The following PTK2B variants were observed in gnomAD, a reference collection of about 807,000 sequenced individuals.
The protein encoded by PTK2B is protein-tyrosine kinase 2-beta.
PTK2B carries 71 observed loss-of-function variants against 142.9 expected under a neutral mutation model. The observed-to-expected ratio is 0.50, with a 90% confidence interval of 0.41 to 0.61. PTK2B has a LOEUF of 0.61. PTK2B is among the 20% of genes least tolerant of loss of function. The pLI is 0.00. For synonymous variants in PTK2B, 519 were observed against 503.4 expected (o/e 1.03, Z -0.42); for missense variants, 1,105 against 1,320.4 (o/e 0.84, Z 2.53).
intron 2 of PTK2B, among the ~76,000 whole-genome samples, chr8:27,407,294 C>T (rs943646960): frequency 1.3e-5 from 2 of 152,170 alleles, no homozygotes; most frequent in Non-Finnish European, 2.9e-5. Context: ...GAACATAAAA[C>T]CCTTCATGAT....
At chr8:27,389,894 C>T (rs1807604897) in intron 1 of PTK2B, among the ~76,000 whole-genome samples, 1 of 152,122 alleles carries the variant, frequency 6.6e-6, no homozygotes, top group South Asian at 2.1e-4. Flanking sequence ...CAGCCTTGCC[C>T]AGAAACCTAG....
At chr8:27,373,038 C>T (rs1806455476) in intron 1 of PTK2B, among the ~76,000 whole-genome samples, 1 of 152,236 alleles carries the variant, frequency 6.6e-6, no homozygotes, top group Admixed American at 6.5e-5. Context: ...GAACCCAAGC[C>T]ACAGCTGCCC....
At position 27,325,610 on chromosome 8, in the gene PTK2B, C is replaced by G. The variant is rs1351550677; in HGVS notation, c.-109C>G. ...CACACCTACCTGCCCGGCCGACTTA[C>G]CTGTACTTGCCGCCGTCCCGGCTCA... is the stretch of plus-strand genomic sequence containing the variant. On this transcript the variant is annotated 5_prime_UTR_variant, in exon 1 of 31. Transcript: ENST00000346049. The G allele has an allele frequency of 6.6e-6, 1 of 152,490 alleles. No homozygotes were observed. The highest frequency in any genetic ancestry group is 2.4e-5 in the African/African-American group (1 of 41,480). 9.4% of individuals were successfully genotyped at this position (152,490 alleles called of 1,614,324 possible).
At position 27,454,028 on chromosome 8, in the gene PTK2B, T is replaced by C. The variant is rs550233128; in HGVS notation, c.2596-126T>C. 30 of 1,343,308 alleles carry C rather than the reference T, an allele frequency of 2.2e-5. No individual in the cohort carries two copies. In the Admixed American group the frequency reaches 3.3e-4, roughly 15 times the overall value. 83.2% of individuals were successfully genotyped at this position (1,343,308 alleles called of 1,614,324 possible). A position where few individuals can be genotyped will look rare whatever the true frequency, so the allele number is the denominator to read the frequency against. On this transcript the variant is annotated intron_variant, in intron 28 of 30. Coordinates refer to ENST00000346049, the MANE Select transcript of PTK2B (RefSeq NM_173176.3). ...GCACCCCGGGACAGGGCACAATTAT[T>C]CTAAAGAAGAGTCCTTTCCAATCGG...
chr8:27,400,437 AG>A (rs1394883576), intron 2 of PTK2B, among the ~76,000 whole-genome samples: 2 of 143,274 alleles, frequency 1.4e-5, no homozygotes, highest in Admixed American at 1.4e-4. Flanking sequence ...CAGAGAAAAA[AG>A]GATTGAATTA....
At chr8:27,337,696 C>T (rs778708690) in intron 1 of PTK2B, among the ~76,000 whole-genome samples, 3 of 152,138 alleles carry the variant, frequency 2.0e-5, no homozygotes, top group South Asian at 2.1e-4. Context: ...TACTTCGTTT[C>T]GTTTTGATTG....
chr8:27,345,620 C>T (rs1463187037), intron 1 of PTK2B, among the ~76,000 whole-genome samples: 17 of 152,140 alleles, frequency 1.1e-4, no homozygotes, highest in Non-Finnish European at 2.9e-5. Flanking sequence ...TACTTGCCTT[C>T]CCCAGCCTGC....
At position 27,439,331 on chromosome 8, in the gene PTK2B, C is replaced by A. The variant is rs1446540686; in HGVS notation, c.1767C>A (p.Ile589=). ...AAGCCTCTGTGACTCGTCTCCCCAT[C>A]AAATGGATGTCCCCAGAGTCCATTA... is the stretch of plus-strand genomic sequence containing the variant. ...YYKASVTRLP[I]KWMSPESINF... The change falls in exon 20 of 31, where the codon ATC becomes ATA. Residue 589 remains isoleucine, a synonymous_variant. Coordinates refer to ENST00000346049, the MANE Select transcript of PTK2B (RefSeq NM_173176.3). 1 of 1,613,974 alleles carries A rather than the reference C, an allele frequency of 6.2e-7. No homozygotes were observed. Among genetic ancestry groups the A allele is most frequent in the Admixed American group, 1.7e-5 (1 of 60,008 alleles).
chr8:27,311,294 G>A (rs1802956942), upstream of PTK2B: 4 of 1,437,246 alleles, frequency 2.8e-6, no homozygotes, highest in Non-Finnish European at 2.7e-6. Flanking sequence ...CCACCCGCCC[G>A]GCTGCCAACG....
intron 1 of PTK2B, among the ~76,000 whole-genome samples, chr8:27,386,942 TAATC>T (rs780317590): frequency 6.6e-6 from 1 of 152,108 alleles, no homozygotes; most frequent in Non-Finnish European, 1.5e-5. Context: ...AAATATACCT[TAATC>T]AAGTCCTACA....
chr8:27,384,755 C>T (rs937929609), intron 1 of PTK2B, among the ~76,000 whole-genome samples: 1 of 152,170 alleles, frequency 6.6e-6, no homozygotes, highest in Non-Finnish European at 1.5e-5. Context: ...GGTCTCCATG[C>T]ACTAGGTCAG....
intron 1 of PTK2B, among the ~76,000 whole-genome samples, chr8:27,392,131 T>C (rs1458695780): frequency 3.3e-5 from 5 of 152,176 alleles, no homozygotes; most frequent in Non-Finnish European, 7.4e-5. Flanking sequence ...GTAGTTCAAA[T>C]AATCAGACAA....
At chr8:27,432,760 T>C (rs1195648048) in intron 10 of PTK2B, among the ~76,000 whole-genome samples, 2 of 108,966 alleles carry the variant, frequency 1.8e-5, no homozygotes, top group Non-Finnish European at 4.0e-5. Flanking sequence ...CAGAGAGACC[T>C]CAGGCTGCAT....
At chr8:27,356,304 C>T (rs921259699) in intron 1 of PTK2B, among the ~76,000 whole-genome samples, 9 of 152,132 alleles carry the variant, frequency 5.9e-5, no homozygotes, top group Non-Finnish European at 1.2e-4. Flanking sequence ...GGCCCTGGGC[C>T]AGAGCTGAGG....
At chr8:27,369,472 C>T (rs1435323114) in intron 1 of PTK2B, among the ~76,000 whole-genome samples, 1 of 152,164 alleles carries the variant, frequency 6.6e-6, no homozygotes, top group Non-Finnish European at 1.5e-5. Flanking sequence ...GAGTTCGAGA[C>T]CAGCCTGGCC....
At chr8:27,415,675 A>G (rs902923406) in intron 2 of PTK2B, among the ~76,000 whole-genome samples, 1 of 152,234 alleles carries the variant, frequency 6.6e-6, no homozygotes, top group African/African-American at 2.4e-5. Flanking sequence ...TTACTAGCTT[A>G]AAGTGTCAGA....
At chr8:27,360,007 G>A (rs1290449003) in intron 1 of PTK2B, among the ~76,000 whole-genome samples, 3 of 152,096 alleles carry the variant, frequency 2.0e-5, no homozygotes, top group East Asian at 1.9e-4. Flanking sequence ...AGATTTTTCC[G>A]GATATTTCTG....
rs1318166883 is a variant in PTK2B, at chr8:27,451,650, T to C, written c.2548+141T>C. 4.6e-6 allele frequency: 7 copies of C among 1,512,752 alleles called. No homozygotes were observed. The South Asian group carries it at 9.0e-5, about 19-fold the overall frequency. The allele number at this position is 1,512,752 out of a possible 1,614,324, so 93.7% of individuals were successfully genotyped here. Reference sequence around the variant, plus strand: ...ATCGGCCATGATTTAATTCAGAGCATGTGGGGCAGGCCAGCTTCCCCTCCG... The same window carrying C: ...ATCGGCCATGATTTAATTCAGAGCACGTGGGGCAGGCCAGCTTCCCCTCCG... On this transcript the variant is annotated intron_variant, in intron 27 of 30. Coordinates refer to ENST00000346049, the MANE Select transcript of PTK2B (RefSeq NM_173176.3).
intron 5 of PTK2B, among the ~76,000 whole-genome samples, chr8:27,423,922 C>T (rs1809915789): frequency 6.6e-6 from 1 of 152,154 alleles, no homozygotes; most frequent in Non-Finnish European, 1.5e-5. Flanking sequence ...GGCCTGTGGT[C>T]CCTGCAGCTG....
Sources: gnomAD v4.1 joint callset for allele counts (sites outside exome capture counted in the v4.1 genomes callset) on GRCh38, gnomAD v4.1.1 for gene constraint, MANE v1.5 for transcripts, NCBI Gene and HGNC (gene_info 2026-07-23, HGNC 2026-07-21) for gene names.